Variants in CHD3 observed in about 807,000 individuals in gnomAD.
CHD3 encodes ATP-dependent chromatin remodeler CHD3.
Under a neutral mutation model 248.9 loss-of-function variants are expected in CHD3, and 52 were observed. The observed-to-expected ratio is 0.21, with a 90% CI of 0.17 to 0.26. CHD3 has a LOEUF of 0.26. Ranked by LOEUF, CHD3 falls within the 10% of genes least tolerant of loss-of-function variation. The probability of loss-of-function intolerance (pLI) is 1.00; values close to 1 mark genes in which losing one functional copy is unlikely to be tolerated. For synonymous variants in CHD3, 985 were observed against 985.2 expected, an observed-to-expected ratio of 1.00 and a Z score of 0.00; for missense variants, 1,482 against 2,605.8, an observed-to-expected ratio of 0.57 and a Z score of 9.39.
In CHD3 at chr17:7,909,251, G is replaced by A. The variant is rs1395649367; in HGVS notation, c.5503G>A (p.Glu1835Lys). 13 of 1,554,280 alleles carry A rather than the reference G, an allele frequency of 8.4e-6. No individual in the cohort carries two copies. The highest frequency in any genetic ancestry group is 1.0e-5 in the Non-Finnish European group (12 of 1,150,350). ...PAMALHARFAEAECLAESHQH... is the reference protein window; with the variant it reads ...PAMALHARFAKAECLAESHQH... Reference sequence around the variant, plus strand: ...CATGGCCCTCCACGCCCGCTTCGCCGAGGCCGAGTGCCTGGCCGAGAGCCA... The same window carrying A: ...CATGGCCCTCCACGCCCGCTTCGCCAAGGCCGAGTGCCTGGCCGAGAGCCA... Residue 1835 changes from glutamate to lysine, a missense_variant, in exon 37 of 40, where the codon GAG (glutamate) becomes AAG (lysine). Glu to Lys is a moderately conservative substitution (Grantham distance 56, BLOSUM62 1). This residue lies in a region of CHD3 where 83 missense variants were observed against 181.0 expected (regional missense o/e 0.46). Transcript: ENST00000330494. The surrounding 1 kb of genome is among the most constrained non-coding windows in gnomAD (Gnocchi z 8.1).
rs2151602298 is a variant in CHD3 at position 7,903,201 on chromosome 17, A to C, written c.3496-71A>C. 6.3e-7 allele frequency: 1 copy of C among 1,579,878 alleles called. No individual in the cohort carries two copies. Among genetic ancestry groups the C allele is most frequent in the South Asian group, 1.1e-5 (1 of 89,622 alleles). On this transcript the variant is annotated intron_variant, in intron 22 of 39. Coordinates refer to ENST00000330494, the MANE Select transcript of CHD3 (RefSeq NM_001005273.3). This position sits in a 1 kb window ranked among gnomAD's most constrained non-coding sequence, Gnocchi z 6.8. ...CCTTCTTCAGCAGCCTTCTTTCCTG[A>C]GGCAGCTCTATGGGCAGCTTCTCCC...
chr17:7,894,740 C>T (rs1969405288), intron 8 of CHD3, 132 bp downstream of exon 8: 2 of 1,332,928 alleles, frequency 1.5e-6, no homozygotes, highest in Non-Finnish European at 2.1e-6. Flanking sequence ...TGTCTAGGAT[C>T]CTAATGTATT....
chr17:7,897,328 T>C lies in CHD3; in HGVS notation c.1919+34T>C. Reference sequence around the variant, plus strand: ...TCGGTCCCTGGGAAGTCAGACCTGGTATATGACATTATTCTTACCATGGTG... The same window carrying C: ...TCGGTCCCTGGGAAGTCAGACCTGGCATATGACATTATTCTTACCATGGTG... On this transcript the variant is annotated intron_variant, in intron 11 of 39. Coordinates refer to ENST00000330494, the MANE Select transcript of CHD3 (RefSeq NM_001005273.3). This position sits in a 1 kb window ranked among gnomAD's most constrained non-coding sequence, Gnocchi z 4.8. 1 of 1,542,720 alleles carries C rather than the reference T, an allele frequency of 6.5e-7. No homozygotes were observed.
Position 7,895,676 on chromosome 17 carries a change from A to C in CHD3, c.1707+134A>C, listed in dbSNP as rs1241732864. The C allele has an allele frequency of 1.4e-6, 1 of 737,318 alleles. No homozygotes were observed. Among genetic ancestry groups the C allele is most frequent in the African/African-American group, 1.8e-5 (1 of 56,402 alleles). 45.7% of individuals were successfully genotyped at this position (737,318 alleles called of 1,614,324 possible). Reference sequence around the variant, plus strand: ...TTCAGGCCTGTGGCCTTCATACCCTACTTGCTTAGTTTCCATATGTGGTTC... The same window carrying C: ...TTCAGGCCTGTGGCCTTCATACCCTCCTTGCTTAGTTTCCATATGTGGTTC... On this transcript the variant is annotated intron_variant, in intron 10 of 39. Coordinates refer to ENST00000330494, the MANE Select transcript of CHD3 (RefSeq NM_001005273.3). This position sits in a 1 kb window ranked among gnomAD's most constrained non-coding sequence, Gnocchi z 4.9.
rs754854794 is a variant in CHD3, at chr17:7,895,454, G to C, written c.1619G>C (p.Arg540Pro). The change falls in exon 10 of 40, where the codon CGT (arginine) becomes CCT (proline). Residue 540 changes from arginine (R) to proline (P), a missense_variant. Physicochemically the swap from Arg to Pro is moderately radical, Grantham distance 103 (BLOSUM62 -2). Coordinates refer to ENST00000330494, the MANE Select transcript of CHD3 (RefSeq NM_001005273.3). This position sits in a 1 kb window ranked among gnomAD's most constrained non-coding sequence, Gnocchi z 4.9. ...ADGNPDVPPPRPLQGRSEREF... is the reference protein window; with the variant it reads ...ADGNPDVPPPPPLQGRSEREF... The stretch of plus-strand genomic sequence containing the variant: ...GGAAATCCAGATGTCCCACCCCCCC[G>C]TCCTCTTCAAGGCAGATCAGAGCGA... 1.2e-6 allele frequency: 2 copies of C among 1,613,908 alleles called. No individual in the cohort carries two copies. The highest frequency in any genetic ancestry group is 1.7e-5 in the Admixed American group (1 of 59,984).
chr17:7,890,316 C>CT (rs1968648660), intron 2 of CHD3: 1 of 333,276 alleles, frequency 3.0e-6, no homozygotes, highest in African/African-American at 2.2e-5. Flanking sequence ...GTAATCCCAG[C>CT]TACACAGGAG....
Position 7,907,288 on chromosome 17 carries a change from G to C in CHD3, c.4788+41G>C. 1 of 1,613,860 alleles carries C rather than the reference G, an allele frequency of 6.2e-7. No homozygotes were observed. The highest frequency in any genetic ancestry group is 1.1e-5 in the South Asian group (1 of 91,056). On this transcript the variant is annotated intron_variant, in intron 31 of 39. Transcript: ENST00000330494. The surrounding 1 kb of genome is among the most constrained non-coding windows in gnomAD (Gnocchi z 4.3). ...GATTCCCCTGTGGAGCGGGAGGGGA[G>C]GGGGCTTGGAGGCCAGGTACCTGGG...
chr17:7,896,226 T>TCA, intron 10 of CHD3, among the ~76,000 whole-genome samples: 3 of 78,344 alleles, frequency 3.8e-5, no homozygotes, highest in African/African-American at 1.3e-4. Context: ...ACACTCTATC[T>TCA]CAAAAAAAAA....
chr17:7,911,422 G>A lies in CHD3; in HGVS notation c.5882-42G>A, dbSNP rs1971644746. The A allele has an allele frequency of 6.2e-7, 1 of 1,613,828 alleles. No individual in the cohort carries two copies. Among genetic ancestry groups the A allele is most frequent in the African/African-American group, 1.3e-5 (1 of 75,058 alleles). On this transcript the variant is annotated intron_variant, in intron 39 of 39. Coordinates refer to ENST00000330494, the MANE Select transcript of CHD3 (RefSeq NM_001005273.3). This position sits in a 1 kb window ranked among gnomAD's most constrained non-coding sequence, Gnocchi z 5.4. ...CATTGTCATGAAGTGACGTTTGAGAGTGATCTGGAGATTGATCTTTCCTTA... is the reference window on the plus strand; with the variant it reads ...CATTGTCATGAAGTGACGTTTGAGAATGATCTGGAGATTGATCTTTCCTTA...
Position 7,905,575 on chromosome 17 carries a change from T to A in CHD3, c.4139-46T>A. On this transcript the variant is annotated intron_variant, in intron 26 of 39. Coordinates refer to ENST00000330494, the MANE Select transcript of CHD3 (RefSeq NM_001005273.3). The surrounding 1 kb of genome is among the most constrained non-coding windows in gnomAD (Gnocchi z 5.8). ...TGGGGTGCTAAGGAGGACTGAGGCT[T>A]AGAGGAGGTGGTGGCTCAGCTAACT... The A allele has an allele frequency of 1.4e-6, 2 of 1,431,462 alleles. No individual in the cohort carries two copies. The highest frequency in any genetic ancestry group is 1.9e-6 in the Non-Finnish European group (2 of 1,049,014). The allele number at this position is 1,431,462 out of a possible 1,614,324, so 88.7% of individuals were successfully genotyped here. A position where few individuals can be genotyped will look rare whatever the true frequency, so the allele number is the denominator to read the frequency against.
rs1971321462 is a variant in CHD3, at chr17:7,909,016, GT to G, written c.5395-124del. The G allele has an allele frequency of 7.0e-7, 1 of 1,428,798 alleles. No homozygotes were observed. The highest frequency in any genetic ancestry group is 1.3e-5 in the South Asian group (1 of 75,778). 88.5% of individuals were successfully genotyped at this position (1,428,798 alleles called of 1,614,324 possible). A position where few individuals can be genotyped will look rare whatever the true frequency, so the allele number is the denominator to read the frequency against. On this transcript the variant is annotated intron_variant, in intron 36 of 39. Transcript: ENST00000330494. This position sits in a 1 kb window ranked among gnomAD's most constrained non-coding sequence, Gnocchi z 8.1. ...AGGGTTGCTGCTAGGTTCGCAGTCG[GT>G]TTGGAGCTGGGAGTGCCCTGGGCCA...
chr17:7,885,098 C>G (rs2151406436), upstream of CHD3: 1 of 983,842 alleles, frequency 1.0e-6, no homozygotes, highest in Non-Finnish European at 1.2e-6. Context: ...GCGCCCGCCC[C>G]GACTCCCCCC....
In CHD3 at chr17:7,909,100, G is replaced by A. The variant is rs745605845; in HGVS notation, c.5395-43G>A. 3.2e-6 allele frequency: 5 copies of A among 1,549,268 alleles called. No individual in the cohort carries two copies. The highest frequency in any genetic ancestry group is 4.4e-6 in the Non-Finnish European group (5 of 1,146,844). On this transcript the variant is annotated intron_variant, in intron 36 of 39. Coordinates refer to ENST00000330494, the MANE Select transcript of CHD3 (RefSeq NM_001005273.3). The surrounding 1 kb of genome is among the most constrained non-coding windows in gnomAD (Gnocchi z 8.1). ...CCGCCCCCCCAGCCCCTCACCCACT[G>A]CTGGCAGAGCCCTACCTTCACCTCC...
rs1447334852 is a variant in CHD3 at position 7,909,200 on chromosome 17, C to T, written c.5452C>T (p.Leu1818=). 6.5e-7 allele frequency: 1 copy of T among 1,549,394 alleles called. No homozygotes were observed. The highest frequency in any genetic ancestry group is 1.4e-5 in the African/African-American group (1 of 73,000). Residue 1818 remains leucine (L), a synonymous_variant, in exon 37 of 40, where the codon CTG becomes TTG. Coordinates refer to ENST00000330494, the MANE Select transcript of CHD3 (RefSeq NM_001005273.3). This position sits in a 1 kb window ranked among gnomAD's most constrained non-coding sequence, Gnocchi z 8.1. ...EQLRRAAYLN[L]SQEPAHPAMA... ...GCTGCGGCGGGCGGCCTACCTGAAC[C>T]TGTCGCAGGAGCCGGCGCACCCCGC...
rs771611554 is a variant in CHD3, at chr17:7,910,860, G to A, written c.5768G>A (p.Gly1923Asp). 13 of 1,605,478 alleles carry A rather than the reference G, an allele frequency of 8.1e-6. No homozygotes were observed. The East Asian group carries it at 2.5e-4, about 30-fold the overall frequency. Residue 1923 changes from glycine (G) to aspartate (D), a missense_variant, in exon 39 of 40, where the codon GGT becomes GAT. This residue lies in a region of CHD3 where 117 missense variants were observed against 137.2 expected (regional missense o/e 0.85). Coordinates refer to ENST00000330494, the MANE Select transcript of CHD3 (RefSeq NM_001005273.3). This position sits in a 1 kb window ranked among gnomAD's most constrained non-coding sequence, Gnocchi z 4.7. Reference sequence around the variant, plus strand: ...TCTCTGTTCCAGGCCTACCCGCCGGGTCCCTACGCTACACCTCCGGGGTAC... The same window carrying A: ...TCTCTGTTCCAGGCCTACCCGCCGGATCCCTACGCTACACCTCCGGGGTAC... ...EPHPTPAYPP[G>D]PYATPPGYGA... is the part of the protein sequence containing the mutation.
chr17:7,908,954 A>G lies in CHD3; in HGVS notation c.5394+125A>G. On this transcript the variant is annotated intron_variant, in intron 36 of 39. Transcript: ENST00000330494. The surrounding 1 kb of genome is among the most constrained non-coding windows in gnomAD (Gnocchi z 5.8). ...TGAGGTGATACCTGGGGCCAAGACC[A>G]AAGTGTAACCTTGTGCTTGGGAGTG... The G allele has an allele frequency of 6.9e-7, 1 of 1,449,200 alleles. No homozygotes were observed. 89.8% of individuals were successfully genotyped at this position (1,449,200 alleles called of 1,614,324 possible).
In CHD3 at chr17:7,909,243, G is replaced by A. The variant is rs1470611701; in HGVS notation, c.5495G>A (p.Arg1832His). ...PAHPAMALHA[R>H]FAEAECLAES... ...CACCCCGCCATGGCCCTCCACGCCC[G>A]CTTCGCCGAGGCCGAGTGCCTGGCC... Residue 1832 changes from arginine (R) to histidine (H), a missense_variant, in exon 37 of 40, where the codon CGC (arginine) becomes CAC (histidine). Physicochemically the swap from Arg to His is conservative, Grantham distance 29. Coordinates refer to ENST00000330494, the MANE Select transcript of CHD3 (RefSeq NM_001005273.3). The surrounding 1 kb of genome is among the most constrained non-coding windows in gnomAD (Gnocchi z 8.1). The A allele has an allele frequency of 3.9e-6, 6 of 1,552,930 alleles. No homozygotes were observed. Among genetic ancestry groups the A allele is most frequent in the Non-Finnish European group, 4.3e-6 (5 of 1,149,432 alleles).
chr17:7,889,578 T>A lies in CHD3; in HGVS notation c.101-86T>A. ...TTAATGCTTCCTAGAGAGTGGGAAC[T>A]GCCGAGGTGGGGAAGGGGCAAGTTG... On this transcript the variant is annotated intron_variant, in intron 1 of 39. Coordinates refer to ENST00000330494, the MANE Select transcript of CHD3 (RefSeq NM_001005273.3). The surrounding 1 kb of genome is among the most constrained non-coding windows in gnomAD (Gnocchi z 4.5). The A allele has an allele frequency of 1.8e-6, 2 of 1,098,292 alleles. No individual in the cohort carries two copies. The highest frequency in any genetic ancestry group is 2.7e-6 in the Non-Finnish European group (2 of 745,176). The allele number at this position is 1,098,292 out of a possible 1,614,324, so 68.0% of individuals were successfully genotyped here.
At chr17:7,896,318 C>T (rs1969647837) in intron 10 of CHD3, among the ~76,000 whole-genome samples, 2 of 150,170 alleles carry the variant, frequency 1.3e-5, no homozygotes, top group Admixed American at 1.3e-4. Context: ...GCCTTGTCTT[C>T]TGAAACTGTT....
Sources: gnomAD v4.1 joint callset for allele counts (sites outside exome capture counted in the v4.1 genomes callset) on GRCh38, gnomAD v4.1.1 for gene constraint, gnomAD v4.1.1 regional missense constraint, Gnocchi (gnomAD v3.1) non-coding constraint, MANE v1.5 for transcripts, NCBI Gene and HGNC (gene_info 2026-07-23, HGNC 2026-07-21) for gene names.